The following SNX30 variants were observed in gnomAD, a reference collection of about 807,000 sequenced individuals.
SNX30 encodes the protein sorting nexin family member 30.
A neutral mutation model predicts 46.4 loss-of-function variants in SNX30; 24 were observed. The observed-to-expected ratio is 0.52, with a 90% CI of 0.37 to 0.73. The LOEUF is 0.73. Ranked by LOEUF, SNX30 falls within the 30% of genes least tolerant of loss-of-function variation. The probability of loss-of-function intolerance (pLI) is 0.00; values close to 1 mark genes in which losing one functional copy is unlikely to be tolerated. For missense variants in SNX30, 533 were observed against 555.7 expected, an observed-to-expected ratio of 0.96 and a Z score of 0.41; for synonymous variants, 189 against 211.5, an observed-to-expected ratio of 0.89 and a Z score of 0.92.
At chr9:112,766,756 T>G (rs1839543810) in intron 1 of SNX30, among the ~76,000 whole-genome samples, 1 of 152,224 alleles carries the variant, frequency 6.6e-6, no homozygotes, top group African/African-American at 2.4e-5. Context: ...CATAACATCC[T>G]TAAGGCTCAT....
At chr9:112,807,052 C>CTTTTTT (rs10554051) in intron 2 of SNX30, among the ~76,000 whole-genome samples, 1 of 63,006 alleles carries the variant, frequency 1.6e-5, no homozygotes, top group Non-Finnish European at 2.6e-5. Flanking sequence ...TCTTTTCTAT[C>CTTTTTT]TTTTTTTTTT....
At chr9:112,853,453 T>C (rs1841066876) in intron 7 of SNX30, among the ~76,000 whole-genome samples, 1 of 152,256 alleles carries the variant, frequency 6.6e-6, no homozygotes, top group Non-Finnish European at 1.5e-5. Context: ...ACTGAAGCCA[T>C]GTCTCAGTCT....
At chr9:112,805,985 G>A (rs1353598218) in intron 2 of SNX30, among the ~76,000 whole-genome samples, 2 of 152,084 alleles carry the variant, frequency 1.3e-5, no homozygotes, top group Non-Finnish European at 2.9e-5. Flanking sequence ...TGTATCATTT[G>A]TTACTTATGA....
In SNX30 at chr9:112,868,917, C is replaced by A; in HGVS notation, c.*74C>A. 1 of 1,429,742 alleles carries A rather than the reference C, an allele frequency of 7.0e-7. No homozygotes were observed. Among genetic ancestry groups the A allele is most frequent in the Non-Finnish European group, 9.9e-7 (1 of 1,013,068 alleles). 88.6% of individuals were successfully genotyped at this position (1,429,742 alleles called of 1,614,324 possible). ...CCTATACCGGAATGTCCCTGCAGTG[C>A]CAGAGACGCAGTGCTGGGAAAACAA... On this transcript the variant is annotated 3_prime_UTR_variant, in exon 9 of 9. Coordinates refer to ENST00000374232, the MANE Select transcript of SNX30 (RefSeq NM_001012994.2).
intron 3 of SNX30, among the ~76,000 whole-genome samples, chr9:112,828,907 A>G (rs1840617174): frequency 2.6e-5 from 4 of 152,034 alleles, no homozygotes; most frequent in Non-Finnish European, 5.9e-5. Flanking sequence ...AAGCAGTCAC[A>G]TCTCATTTCC....
chr9:112,789,429 C>A (rs1255197252), intron 1 of SNX30, among the ~76,000 whole-genome samples: 1 of 152,148 alleles, frequency 6.6e-6, no homozygotes, highest in Non-Finnish European at 1.5e-5. Context: ...CTGTTCATAG[C>A]CACTATTGCA....
chr9:112,804,806 G>A lies in SNX30; in HGVS notation c.187G>A (p.Ala63Thr). The change falls in exon 2 of 9, where the codon GCA (alanine) becomes ACA (threonine). Residue 63 changes from alanine to threonine, a missense_variant. Physicochemically the swap from Ala to Thr is moderately conservative, Grantham distance 58 (BLOSUM62 0). Coordinates refer to ENST00000374232, the MANE Select transcript of SNX30 (RefSeq NM_001012994.2). ...CATTTTGCCCAACGGTGGTACTCCA[G>A]CAGGTACTTCAAGTCCAGCTTCTTC... ...DLILPNGGTPAGTSSPASSSS... is the reference protein window; with the variant it reads ...DLILPNGGTPTGTSSPASSSS... The A allele has an allele frequency of 6.2e-7, 1 of 1,612,984 alleles. No homozygotes were observed. The highest frequency in any genetic ancestry group is 8.5e-7 in the Non-Finnish European group (1 of 1,179,328).
chr9:112,776,965 G>A (rs998161316), intron 1 of SNX30, among the ~76,000 whole-genome samples: 2 of 151,928 alleles, frequency 1.3e-5, no homozygotes, highest in African/African-American at 2.4e-5. Flanking sequence ...TTTGCTCACC[G>A]CCCCCTGCCT....
At chr9:112,867,830 A>G (rs1314803076) in intron 8 of SNX30, among the ~76,000 whole-genome samples, 3 of 151,544 alleles carry the variant, frequency 2.0e-5, no homozygotes, top group Non-Finnish European at 2.9e-5. Flanking sequence ...ACCTCCTCAG[A>G]ACTCCTCCCT....
chr9:112,777,639 G>A (rs574139061), intron 1 of SNX30, among the ~76,000 whole-genome samples: 1 of 110,588 alleles, frequency 9.0e-6, no homozygotes, highest in African/African-American at 3.7e-5. Flanking sequence ...GTGGAGATGG[G>A]TCTCACTATG....
Position 112,809,712 on chromosome 9 carries a change from TGTG to T in SNX30, c.348+4749_348+4751del, listed in dbSNP as rs947183776. ...GTTTAATGACACAGTTATTGCTGGT[TGTG>T]GTGTGAGCAGTTTCATTGGTGTAGT... On this transcript the variant is annotated intron_variant, in intron 2 of 8. Transcript: ENST00000374232. Among the ~76,000 whole-genome samples, 5 of 152,122 alleles carry T rather than the reference TGTG, an allele frequency of 3.3e-5. 1 individual carries two copies. The highest frequency in any genetic ancestry group is 9.7e-5 in the African/African-American group (4 of 41,418).
chr9:112,833,649 A>G (rs1588131927), intron 4 of SNX30, among the ~76,000 whole-genome samples: 1 of 152,166 alleles, frequency 6.6e-6, no homozygotes, highest in South Asian at 2.1e-4. Context: ...CAACATGTAA[A>G]TTAACTTGGT....
chr9:112,865,755 G>C (rs1564297353), intron 8 of SNX30, among the ~76,000 whole-genome samples: 2 of 147,336 alleles, frequency 1.4e-5, no homozygotes, highest in Non-Finnish European at 3.0e-5. Context: ...GTGTGTGTGT[G>C]TGTGTATGTA....
chr9:112,750,759 C>A (rs931370151), upstream of SNX30: 1 of 154,646 alleles, frequency 6.5e-6, no homozygotes, highest in Non-Finnish European at 1.4e-5. Context: ...GGCTGGGCGC[C>A]GCGGCCGTGC....
At chr9:112,842,962 C>G (rs898720796) in intron 6 of SNX30, among the ~76,000 whole-genome samples, 11 of 152,156 alleles carry the variant, frequency 7.2e-5, no homozygotes, top group Non-Finnish European at 1.6e-4. Context: ...AGTTAAATAC[C>G]TCGCAGACAT....
chr9:112,857,399 A>G (rs1055261307), intron 7 of SNX30, among the ~76,000 whole-genome samples: 3 of 152,158 alleles, frequency 2.0e-5, no homozygotes, highest in Non-Finnish European at 4.4e-5. Context: ...GACACTGAAA[A>G]CGCAGTTGCT....
At chr9:112,767,202 T>C (rs139661406) in intron 1 of SNX30, among the ~76,000 whole-genome samples, 2 of 152,240 alleles carry the variant, frequency 1.3e-5, no homozygotes, top group Non-Finnish European at 2.9e-5. Flanking sequence ...AGTTTTCTGA[T>C]GTTCAATATA....
In SNX30 at chr9:112,838,602, A is replaced by G. The variant is rs1840805492; in HGVS notation, c.919A>G (p.Asn307Asp). ...PLEGVSACIG[N>D]CSTALEELTD... ...GGAGGGTGTGTCAGCTTGCATTGGG[A>G]ACTGCTCTACAGCCTTAGAAGAGCT... Residue 307 changes from asparagine to aspartate, a missense_variant, in exon 6 of 9, where the codon AAC (asparagine) becomes GAC (aspartate). Coordinates refer to ENST00000374232, the MANE Select transcript of SNX30 (RefSeq NM_001012994.2). 1.2e-6 allele frequency: 2 copies of G among 1,614,052 alleles called. No homozygotes were observed. The highest frequency in any genetic ancestry group is 1.7e-6 in the Non-Finnish European group (2 of 1,180,032).
chr9:112,856,390 C>T (rs1206275420), intron 7 of SNX30, among the ~76,000 whole-genome samples: 1 of 85,036 alleles, frequency 1.2e-5, no homozygotes, highest in Non-Finnish European at 2.3e-5. Flanking sequence ...GGGCGTGTGG[C>T]GTGTAGGGAG....
Sources: gnomAD v4.1 joint callset for allele counts (sites outside exome capture counted in the v4.1 genomes callset) on GRCh38, gnomAD v4.1.1 for gene constraint, MANE v1.5 for transcripts, NCBI Gene and HGNC (gene_info 2026-07-23, HGNC 2026-07-21) for gene names.